Variants in NRXN2 observed in about 807,000 individuals in gnomAD.
NRXN2 encodes the protein neurexin 2, also known as neurexin-2-beta.
A neutral mutation model predicts 128.8 loss-of-function variants in NRXN2; 29 were observed. The observed-to-expected ratio is 0.23, with a 90% CI of 0.17 to 0.31. The LOEUF is 0.31. NRXN2 is among the 10% of genes least tolerant of loss of function. The pLI, the probability that NRXN2 is intolerant of heterozygous loss-of-function variation, is 1.00. For synonymous variants in NRXN2, 1,098 were observed against 1,075.2 expected, an observed-to-expected ratio of 1.02 and a Z score of -0.41; for missense variants, 1,881 against 2,452.6, an observed-to-expected ratio of 0.77 and a Z score of 4.92.
rs772064443 is a variant in NRXN2, at chr11:64,651,453, T to C, written c.2720A>G (p.Asn907Ser). The C allele has an allele frequency of 2.5e-6, 4 of 1,614,034 alleles. No homozygotes were observed. Among genetic ancestry groups the C allele is most frequent in the East Asian group, 2.2e-5 (1 of 44,898 alleles). Residue 907 changes from asparagine (N) to serine (S), a missense_variant, in exon 14 of 23, where the codon AAT becomes AGT. Asn to Ser is a conservative substitution (Grantham distance 46). Around this residue, in one of 7 missense-constraint regions of NRXN2, gnomAD observed 390 missense variants for 599.6 expected, o/e 0.65. Transcript: ENST00000265459. This position sits in a 1 kb window ranked among gnomAD's most constrained non-coding sequence, Gnocchi z 5.9. ...KDGDITYCEL[N>S]ARFGLRAIVA... ...GATGGCACGCAGGCCAAAGCGAGCATTGAGCTCACAGTAGGTGATGTCACC... is the reference window on the plus strand; with the variant it reads ...GATGGCACGCAGGCCAAAGCGAGCACTGAGCTCACAGTAGGTGATGTCACC...
At chr11:64,613,476 G>A (rs1171152567) in intron 22 of NRXN2, among the ~76,000 whole-genome samples, 1 of 152,216 alleles carries the variant, frequency 6.6e-6, no homozygotes, top group Non-Finnish European at 1.5e-5. Context: ...GAGTAGGCCT[G>A]GTGTATGACT....
chr11:64,712,087 T>C (rs1190430537), intron 2 of NRXN2, among the ~76,000 whole-genome samples: 1 of 152,142 alleles, frequency 6.6e-6, no homozygotes, highest in Non-Finnish European at 1.5e-5. Flanking sequence ...CTACGCTCCC[T>C]GCCCCAAAGC....
At position 64,651,203 on chromosome 11, in the gene NRXN2, G is replaced by A. The variant is rs367976838; in HGVS notation, c.2918+52C>T. ...AGCCAGGAGAGCTGTATGTGGTTCA[G>A]CAGGGGGAGGGGGCCACCTCCTTGA... On this transcript the variant is annotated intron_variant, in intron 14 of 22. Transcript: ENST00000265459. This position sits in a 1 kb window ranked among gnomAD's most constrained non-coding sequence, Gnocchi z 5.9. 1.3e-4 allele frequency: 217 copies of A among 1,610,558 alleles called. 1 individual carries two copies. The highest frequency in any genetic ancestry group is 1.8e-4 in the Non-Finnish European group (214 of 1,179,192).
intron 5 of NRXN2, among the ~76,000 whole-genome samples, chr11:64,686,673 C>A (rs952084945): frequency 3.3e-5 from 5 of 152,196 alleles, no homozygotes; most frequent in Non-Finnish European, 5.9e-5. Context: ...TACTCCAAGC[C>A]AAGGACGGCG....
intron 6 of NRXN2, among the ~76,000 whole-genome samples, chr11:64,678,249 C>T (rs2051643924): frequency 6.6e-6 from 1 of 152,048 alleles, no homozygotes; most frequent in South Asian, 2.1e-4. Context: ...CCCTCTCCTC[C>T]CCATCTCCCA....
chr11:64,627,332 G>A (rs918707053), intron 19 of NRXN2, among the ~76,000 whole-genome samples: 1 of 151,858 alleles, frequency 6.6e-6, no homozygotes, highest in Non-Finnish European at 1.5e-5. Flanking sequence ...TCATCATCCA[G>A]CAGCCCCCTT....
chr11:64,613,137 G>T (rs1310705469), intron 22 of NRXN2, among the ~76,000 whole-genome samples: 1 of 152,228 alleles, frequency 6.6e-6, no homozygotes, highest in Non-Finnish European at 1.5e-5. Flanking sequence ...GGTACATTGT[G>T]GCATATGCAC....
intron 9 of NRXN2, among the ~76,000 whole-genome samples, chr11:64,663,458 G>T (rs571409112): frequency 2.6e-5 from 4 of 151,746 alleles, no homozygotes; most frequent in African/African-American, 9.7e-5. Flanking sequence ...TCCATACAAG[G>T]TGTCAGATGA....
intron 6 of NRXN2, among the ~76,000 whole-genome samples, 155 bp downstream of exon 6, chr11:64,685,491 G>A (rs151219387): frequency 1.3e-5 from 2 of 152,046 alleles, no homozygotes; most frequent in Admixed American, 6.5e-5. Context: ...GCCTTATGTC[G>A]GGACCCTCAC....
chr11:64,650,357 A>T, intron 15 of NRXN2, 91 bp downstream of exon 15: 1 of 1,350,842 alleles, frequency 7.4e-7, no homozygotes, highest in Admixed American at 1.7e-5. Flanking sequence ...CAGGGAACCG[A>T]GGGAAGCAGC....
chr11:64,692,524 C>CA (rs1420378484), intron 4 of NRXN2, among the ~76,000 whole-genome samples: 3 of 151,976 alleles, frequency 2.0e-5, no homozygotes, highest in East Asian at 3.9e-4. Flanking sequence ...CAGGAAAACG[C>CA]AAAAAAAGGG....
intron 2 of NRXN2, 167 bp downstream of exon 2, chr11:64,712,803 C>G (rs2057072887): frequency 2.7e-6 from 2 of 745,036 alleles, no homozygotes; most frequent in Non-Finnish European, 4.7e-6. Context: ...CCCACGCGCC[C>G]TCGCCCGGAC....
At chr11:64,712,879 T>C in intron 2 of NRXN2, 91 bp downstream of exon 2, 1 of 1,175,514 alleles carries the variant, frequency 8.5e-7, no homozygotes, top group South Asian at 1.4e-5. Flanking sequence ...CCCCCGTGCC[T>C]CAGGAGCCCA....
In NRXN2 at chr11:64,663,387, A is replaced by C. The variant is rs1486162226; in HGVS notation, c.1799-2248T>G. Among the ~76,000 whole-genome samples the C allele has an allele frequency of 3.9e-5, 6 of 151,906 alleles. No homozygotes were observed. The East Asian group carries it at 1.2e-3, about 29-fold the overall frequency. On this transcript the variant is annotated intron_variant, in intron 9 of 22. Coordinates refer to ENST00000265459, the MANE Select transcript of NRXN2 (RefSeq NM_015080.4). ...CAAAACTCTGACTCAAAAAAAAAAA[A>C]AAAACCTCACCTGAACCAGAGCTGT... is the stretch of plus-strand genomic sequence containing the variant.
At position 64,630,332 on chromosome 11, in the gene NRXN2, G is replaced by A; in HGVS notation, c.3757+70C>T. On this transcript the variant is annotated intron_variant, in intron 19 of 22. Coordinates refer to ENST00000265459, the MANE Select transcript of NRXN2 (RefSeq NM_015080.4). This position sits in a 1 kb window ranked among gnomAD's most constrained non-coding sequence, Gnocchi z 4.6. ...GAGCCGCTTAGCCCCGCCCCGGTGC[G>A]GCCGCACTCCTATCAGAGGCCGCCA... 1 of 1,404,282 alleles carries A rather than the reference G, an allele frequency of 7.1e-7. No individual in the cohort carries two copies. Among genetic ancestry groups the A allele is most frequent in the East Asian group, 2.5e-5 (1 of 40,496 alleles). 87.0% of individuals were successfully genotyped at this position (1,404,282 alleles called of 1,614,324 possible). A position where few individuals can be genotyped will look rare whatever the true frequency, so the allele number is the denominator to read the frequency against.
At chr11:64,616,075 G>A (rs2041465068) in intron 22 of NRXN2, among the ~76,000 whole-genome samples, 1 of 152,096 alleles carries the variant, frequency 6.6e-6, no homozygotes, top group Non-Finnish European at 1.5e-5. Flanking sequence ...GGTGGGAGAG[G>A]TGCAGGTCTG....
chr11:64,638,606 C>T lies in NRXN2; in HGVS notation c.3404-3154G>A, dbSNP rs566089664. The stretch of plus-strand genomic sequence containing the variant: ...CAAAATAGGGCACCACATCTAGAAC[C>T]TGACAGGCTCCAGAAAGGGTCTGAA... On this transcript the variant is annotated intron_variant, in intron 17 of 22. Transcript: ENST00000265459. 7.4e-4 allele frequency among the ~76,000 whole-genome samples: 112 copies of T among 152,342 alleles called. 1 individual carries two copies. Among genetic ancestry groups the T allele is most frequent in the Non-Finnish European group, 3.5e-4 (24 of 68,028 alleles).
rs1181530311 is a variant in NRXN2, at chr11:64,667,152, T to C, written c.1798+98A>G. The stretch of plus-strand genomic sequence containing the variant: ...AAGCGGCAGGGAAGAATATAGGAAA[T>C]GGTGTAGAAGAGACCCGCTGAAGAG... On this transcript the variant is annotated intron_variant, in intron 9 of 22. Transcript: ENST00000265459. This position sits in a 1 kb window ranked among gnomAD's most constrained non-coding sequence, Gnocchi z 5.6. 8.3e-6 allele frequency: 10 copies of C among 1,199,826 alleles called. No individual in the cohort carries two copies. The highest frequency in any genetic ancestry group is 1.2e-5 in the Non-Finnish European group (10 of 825,412). 74.3% of individuals were successfully genotyped at this position (1,199,826 alleles called of 1,614,324 possible). A position where few individuals can be genotyped will look rare whatever the true frequency, so the allele number is the denominator to read the frequency against.
At chr11:64,706,865 AACTACCATTTACTCATC>A (rs1299385344) in intron 2 of NRXN2, among the ~76,000 whole-genome samples, 1 of 152,154 alleles carries the variant, frequency 6.6e-6, no homozygotes, top group African/African-American at 2.4e-5. Flanking sequence ...TTGTAAGAGT[AACTACCATTTACTCATC>A]ACTAATTTTA....
Sources: allele counts gnomAD v4.1 joint callset (sites outside exome capture counted in the v4.1 genomes callset), GRCh38; gene constraint gnomAD v4.1.1; regional missense constraint gnomAD v4.1.1; non-coding constraint Gnocchi (gnomAD v3.1); transcripts MANE v1.5; gene names NCBI Gene and HGNC (gene_info 2026-07-23, HGNC 2026-07-21).